Variants in PKD1L1 observed in about 807,000 individuals in gnomAD.
The protein encoded by PKD1L1 is polycystin 1 like 1, transient receptor potential channel interacting.
PKD1L1 carries 236 observed loss-of-function variants against 323.4 expected under a neutral mutation model. The ratio of observed to expected loss-of-function variants is 0.73; its 90% CI spans 0.66 to 0.81. PKD1L1 has a LOEUF of 0.81. Among genes scored for constraint, PKD1L1 ranks in the 40% least tolerant of loss-of-function variants. The pLI, the probability that PKD1L1 is intolerant of heterozygous loss-of-function variation, is 0.00. For missense variants in PKD1L1, 3,320 were observed against 3,508.0 expected (o/e 0.95, Z 1.35); for synonymous variants, 1,344 against 1,335.0 (o/e 1.01, Z -0.15).
chr7:47,794,640 C>G (rs1584947044), intron 55 of PKD1L1, among the ~76,000 whole-genome samples: 1 of 152,310 alleles, frequency 6.6e-6, no homozygotes, highest in South Asian at 2.1e-4. Flanking sequence ...CCACCATCCT[C>G]CAGACTCCAG....
At chr7:47,857,861 GT>G in intron 27 of PKD1L1, 29 bp from the exon 28 acceptor site, 1 of 1,594,808 alleles carries the variant, frequency 6.3e-7, no homozygotes, top group Non-Finnish European at 8.6e-7. Context: ...GGAGTGGGAT[GT>G]TTATAACACA....
chr7:47,831,506 G>T (rs1289391384), intron 41 of PKD1L1, among the ~76,000 whole-genome samples, 154 bp from the exon 42 acceptor site: 2 of 152,228 alleles, frequency 1.3e-5, no homozygotes, highest in African/African-American at 4.8e-5. Context: ...GTTCGGGGTT[G>T]GGGGTGTTTC....
intron 4 of PKD1L1, among the ~76,000 whole-genome samples, chr7:47,935,576 G>T (rs1294500488): frequency 6.6e-6 from 1 of 152,226 alleles, no homozygotes; most frequent in Non-Finnish European, 1.5e-5. Flanking sequence ...AACACAGTCA[G>T]GTGTGCAGCG....
In PKD1L1 at chr7:47,827,397, G is replaced by T. The variant is rs758236575; in HGVS notation, c.6807C>A (p.Gly2269=). 1 of 1,613,406 alleles carries T rather than the reference G, an allele frequency of 6.2e-7. No individual in the cohort carries two copies. The highest frequency in any genetic ancestry group is 8.5e-7 in the Non-Finnish European group (1 of 1,179,824). ...AHPPSKAQLR[G]TRQRMRRESR... The stretch of plus-strand genomic sequence containing the variant: ...TCTCTCTCCTCATCCTCTGTCTGGT[G>T]CCCCTCAGCTGGGCCTTGGATGGTG... Residue 2269 remains glycine, a synonymous_variant, in exon 45 of 57, where the codon GGC becomes GGA. Coordinates refer to ENST00000289672, the MANE Select transcript of PKD1L1 (RefSeq NM_138295.5).
intron 7 of PKD1L1, among the ~76,000 whole-genome samples, chr7:47,917,528 C>T (rs1473122846): frequency 6.6e-6 from 1 of 152,130 alleles, no homozygotes; most frequent in South Asian, 2.1e-4. Context: ...GGCACATTGT[C>T]ATTGAGTTAT....
intron 32 of PKD1L1, 24 bp from the exon 33 acceptor site, chr7:47,845,102 AT>A: frequency 6.3e-7 from 1 of 1,597,882 alleles, no homozygotes; most frequent in East Asian, 2.2e-5. Context: ...GCGGATGAGG[AT>A]ACAGAATGTG....
At chr7:47,881,798 C>T in intron 20 of PKD1L1, 111 bp downstream of exon 20, 1 of 1,063,830 alleles carries the variant, frequency 9.4e-7, no homozygotes, top group South Asian at 1.8e-5. Flanking sequence ...AAAGGTACCA[C>T]AATTCTAAAT....
chr7:47,941,131 C>A (rs994714297), intron 2 of PKD1L1, among the ~76,000 whole-genome samples: 1 of 152,216 alleles, frequency 6.6e-6, no homozygotes, highest in Non-Finnish European at 1.5e-5. Context: ...AAGCCCCCAC[C>A]CCTCTCATCC....
intron 54 of PKD1L1, among the ~76,000 whole-genome samples, chr7:47,797,679 C>T (rs1425967589): frequency 6.6e-6 from 1 of 152,204 alleles, no homozygotes; most frequent in East Asian, 1.9e-4. Flanking sequence ...GCCCACTTGA[C>T]CCAGAACTCC....
rs1787873613 is a variant in PKD1L1, at chr7:47,936,705, A to G, written c.398+141T>C. ...TCAGAACACCATTCTTTTTTCCATC[A>G]ATTTAAGAGCTGCATTTGCTAACCC... On this transcript the variant is annotated intron_variant, in intron 4 of 56. Transcript: ENST00000289672. The G allele has an allele frequency of 6.3e-6, 4 of 633,106 alleles. No homozygotes were observed. In the Admixed American group the frequency reaches 9.1e-5, roughly 14 times the overall value. 39.2% of individuals were successfully genotyped at this position (633,106 alleles called of 1,614,324 possible). A position where few individuals can be genotyped will look rare whatever the true frequency, so the allele number is the denominator to read the frequency against.
chr7:47,839,602 A>G lies in PKD1L1; in HGVS notation c.5613T>C (p.Pro1871=). ...CGTGGCTGATGAACCAGCCTGGGGA[A>G]GGCCCACGGCTGTCGTGCCAGAGGC... is the stretch of plus-strand genomic sequence containing the variant. ...KIRLWHDSRG[P]SPGWFISHVM... is the part of the protein sequence containing the mutation. Residue 1871 remains proline, a synonymous_variant, in exon 36 of 57, where the codon CCT becomes CCC. Coordinates refer to ENST00000289672, the MANE Select transcript of PKD1L1 (RefSeq NM_138295.5). The surrounding 1 kb of genome is among the most constrained non-coding windows in gnomAD (Gnocchi z 4.3). 6.3e-7 allele frequency: 1 copy of G among 1,596,850 alleles called. No individual in the cohort carries two copies. The highest frequency in any genetic ancestry group is 8.5e-7 in the Non-Finnish European group (1 of 1,171,968).
intron 27 of PKD1L1, among the ~76,000 whole-genome samples, chr7:47,858,124 A>C (rs1785945720): frequency 6.6e-6 from 1 of 152,212 alleles, no homozygotes; most frequent in Non-Finnish European, 1.5e-5. Flanking sequence ...GCAGGACTGG[A>C]GAGGGATGCT....
chr7:47,901,265 G>A (rs534410214), intron 13 of PKD1L1, among the ~76,000 whole-genome samples: 1 of 146,690 alleles, frequency 6.8e-6, no homozygotes, highest in South Asian at 2.1e-4. Flanking sequence ...TTAAAGCCAG[G>A]AGGCAGAGGT....
chr7:47,960,172 C>CACCTGCCTGAACAG, the PKD1L1 span, among the ~76,000 whole-genome samples: 2 of 149,874 alleles, frequency 1.3e-5, no homozygotes, highest in African/African-American at 2.4e-5. Context: ...TTGAAGGCAG[C>CACCTGCCTGAACAG]ATGCTCGTTA....
chr7:47,786,216 T>C (rs529096022), intron 56 of PKD1L1, among the ~76,000 whole-genome samples: 56 of 152,166 alleles, frequency 3.7e-4, no homozygotes, highest in Non-Finnish European at 2.9e-4. Context: ...ACTCAGTAAA[T>C]TTCTTTGACA....
chr7:47,843,295 C>T (rs1474711845), intron 33 of PKD1L1, 126 bp from the exon 34 acceptor site: 3 of 737,696 alleles, frequency 4.1e-6, no homozygotes, highest in African/African-American at 3.6e-5. Context: ...TACATTTTTA[C>T]ACTTGCTGGA....
chr7:47,956,506 G>A, the PKD1L1 span, among the ~76,000 whole-genome samples: 4 of 152,192 alleles, frequency 2.6e-5, no homozygotes, highest in Non-Finnish European at 5.9e-5. Context: ...GGGCTGTAGC[G>A]TTCACGGGCT....
At chr7:47,882,948 C>T (rs1786596419) in intron 19 of PKD1L1, among the ~76,000 whole-genome samples, 1 of 152,172 alleles carries the variant, frequency 6.6e-6, no homozygotes, top group Non-Finnish European at 1.5e-5. Flanking sequence ...GAAGGAGTCG[C>T]TGCACTTCAC....
chr7:47,774,890 G>T lies in PKD1L1; in HGVS notation c.*253C>A, dbSNP rs1052079410. On this transcript the variant is annotated 3_prime_UTR_variant, in exon 57 of 57. Transcript: ENST00000289672. ...CAACTGGCAAATTAACCATTTGGGA[G>T]AAGGCTGGAGTTAGAATCTTGTCCC... 2.4e-5 allele frequency: 10 copies of T among 417,124 alleles called. No individual in the cohort carries two copies. The highest frequency in any genetic ancestry group is 4.1e-5 in the African/African-American group (2 of 48,960). 25.8% of individuals were successfully genotyped at this position (417,124 alleles called of 1,614,324 possible).
Sources: allele counts gnomAD v4.1 joint callset (sites outside exome capture counted in the v4.1 genomes callset), GRCh38; gene constraint gnomAD v4.1.1; non-coding constraint Gnocchi (gnomAD v3.1); transcripts MANE v1.5; gene names NCBI Gene and HGNC (gene_info 2026-07-23, HGNC 2026-07-21).